Variants in RYR2 observed in about 807,000 individuals in gnomAD.
RYR2 encodes cardiac muscle ryanodine receptor-calcium release channel.
A neutral mutation model predicts 601.1 loss-of-function variants in RYR2; 227 were observed. The ratio of observed to expected loss-of-function variants is 0.38; its 90% CI spans 0.34 to 0.42. The LOEUF is 0.42. Among genes scored for constraint, RYR2 ranks in the 10% least tolerant of loss-of-function variants. The pLI is 1.00. For missense variants in RYR2, 4,646 were observed against 6,156.5 expected (o/e 0.75, Z 8.21); for synonymous variants, 2,223 against 2,175.1 (o/e 1.02, Z -0.61).
chr1:237,595,705 TC>T lies in RYR2; in HGVS notation c.4596+53del, dbSNP rs776849810. On this transcript the variant is annotated intron_variant, in intron 34 of 104. Coordinates refer to ENST00000366574, the MANE Select transcript of RYR2 (RefSeq NM_001035.3). ...AGTCTTCTAGGGAGGAAGACTTCTTTCCCCCATTAAAGGAAAACACAGTTTG... is the reference window on the plus strand; with the variant it reads ...AGTCTTCTAGGGAGGAAGACTTCTTTCCCCATTAAAGGAAAACACAGTTTG... 8.4e-6 allele frequency: 13 copies of T among 1,549,746 alleles called. No individual in the cohort carries two copies. In the Admixed American group the frequency reaches 2.8e-4, roughly 34 times the overall value.
At chr1:237,548,341 C>T (rs1250080610) in intron 25 of RYR2, 90 bp from the exon 26 acceptor site, 1 of 1,363,136 alleles carries the variant, frequency 7.3e-7, no homozygotes, top group African/African-American at 1.4e-5. Context: ...TATGGAAGAA[C>T]AGTAATGAGG....
chr1:237,744,719 T>TA (rs10925505), intron 80 of RYR2, among the ~76,000 whole-genome samples: 46,208 of 146,080 alleles, frequency 0.32, 7,385 homozygotes, highest in South Asian at 0.39. Context: ...CTTCTTTTTT[T>TA]AAAAAAAAAA....
chr1:237,442,564 T>C (rs1342500015), intron 13 of RYR2, among the ~76,000 whole-genome samples: 1 of 152,226 alleles, frequency 6.6e-6, no homozygotes, highest in Non-Finnish European at 1.5e-5. Flanking sequence ...TTCTGTTATC[T>C]CAATAATATC....
At chr1:237,285,977 C>G (rs1189727943) in intron 2 of RYR2, among the ~76,000 whole-genome samples, 1 of 152,036 alleles carries the variant, frequency 6.6e-6, no homozygotes, top group African/African-American at 2.4e-5. Context: ...AAAGAACCAG[C>G]TTTTTGTTTT....
chr1:237,356,051 A>C (rs753460584), intron 4 of RYR2, 66 bp downstream of exon 4: 1 of 1,452,520 alleles, frequency 6.9e-7, no homozygotes. Context: ...CTCGCCTCTA[A>C]TCTTTCATTT....
chr1:237,365,955 A>T (rs936581910), intron 5 of RYR2, among the ~76,000 whole-genome samples: 64 of 152,242 alleles, frequency 4.2e-4, no homozygotes, highest in African/African-American at 1.5e-3. Flanking sequence ...GAAGGCCAAT[A>T]GTTATTTTCA....
chr1:237,827,025 C>T (rs930384520), intron 101 of RYR2, among the ~76,000 whole-genome samples: 6 of 152,204 alleles, frequency 3.9e-5, no homozygotes, highest in Admixed American at 1.3e-4. Flanking sequence ...TTATCTTTTC[C>T]GCTTAACACA....
chr1:237,686,388 A>G (rs989891992), intron 62 of RYR2, among the ~76,000 whole-genome samples: 9 of 152,142 alleles, frequency 5.9e-5, no homozygotes, highest in African/African-American at 2.2e-4. Flanking sequence ...GCATCTGGGT[A>G]TGGACCTCTT....
At chr1:237,790,672 G>GAGTT (rs1658269550) in intron 92 of RYR2, among the ~76,000 whole-genome samples, 2 of 152,072 alleles carry the variant, frequency 1.3e-5, no homozygotes, top group Non-Finnish European at 2.9e-5. Context: ...GCACACTTAA[G>GAGTT]AGTTAAGGTC....
At chr1:237,262,607 A>G (rs1220555650) in intron 1 of RYR2, among the ~76,000 whole-genome samples, 1 of 152,156 alleles carries the variant, frequency 6.6e-6, no homozygotes, top group Non-Finnish European at 1.5e-5. Flanking sequence ...TTCAACATAT[A>G]TTGACTGAAC....
rs544217923 is a variant in RYR2, at chr1:237,170,774, G to T, written c.49-99723G>T. The stretch of plus-strand genomic sequence containing the variant: ...TGTGGGGCTGGAGGAAGACATGGCT[G>T]GTGCAAAACACAGAACGTGTCTGAG... On this transcript the variant is annotated intron_variant, in intron 1 of 104. Coordinates refer to ENST00000366574, the MANE Select transcript of RYR2 (RefSeq NM_001035.3). Among the ~76,000 whole-genome samples, 51 of 152,236 alleles carry T rather than the reference G, an allele frequency of 3.4e-4. 1 individual carries two copies. The highest frequency in any genetic ancestry group is 1.0e-3 in the South Asian group (5 of 4,824).
rs1294827395 is a variant in RYR2 at position 237,610,916 on chromosome 1, A to G, written c.4838A>G (p.Glu1613Gly). ...FLKVDVSRIS[E>G]RQGWLVQCLD... ...AAGGTAGATGTGTCTCGAATAAGTG[A>G]ACGCCAAGGCTGGTTGGTGCAGTGT... The change falls in exon 36 of 105, where the codon GAA becomes GGA. Residue 1613 changes from glutamate to glycine, a missense_variant. Physicochemically the swap from Glu to Gly is moderately conservative, Grantham distance 98. This residue lies in a region of RYR2 where 1,807 missense variants were observed against 2,088.1 expected (regional missense o/e 0.87). Coordinates refer to ENST00000366574, the MANE Select transcript of RYR2 (RefSeq NM_001035.3). The surrounding 1 kb of genome is among the most constrained non-coding windows in gnomAD (Gnocchi z 4.9). 6.2e-7 allele frequency: 1 copy of G among 1,613,538 alleles called. No homozygotes were observed. Among genetic ancestry groups the G allele is most frequent in the Admixed American group, 1.7e-5 (1 of 59,986 alleles).
At chr1:237,070,055 C>T (rs1664123221) in intron 1 of RYR2, among the ~76,000 whole-genome samples, 1 of 141,164 alleles carries the variant, frequency 7.1e-6, no homozygotes, top group African/African-American at 2.7e-5. Flanking sequence ...TTTGGAGACA[C>T]AATCTTACTG....
chr1:237,168,004 A>G (rs1243874376), intron 1 of RYR2, among the ~76,000 whole-genome samples: 1 of 152,128 alleles, frequency 6.6e-6, no homozygotes, highest in Non-Finnish European at 1.5e-5. Flanking sequence ...CAAACCCCAA[A>G]CAACAACAAT....
intron 27 of RYR2, 150 bp from the exon 28 acceptor site, chr1:237,566,417 G>A (rs1362897138): frequency 3.6e-6 from 3 of 825,812 alleles, no homozygotes; most frequent in Non-Finnish European, 5.5e-6. Flanking sequence ...GGTAAAATGG[G>A]AAAGAAGATA....
At chr1:237,099,591 G>T (rs1044036261) in intron 1 of RYR2, among the ~76,000 whole-genome samples, 8 of 152,132 alleles carry the variant, frequency 5.3e-5, no homozygotes, top group African/African-American at 1.9e-4. Flanking sequence ...TGAATCCAAG[G>T]GGAGGGCATA....
intron 1 of RYR2, among the ~76,000 whole-genome samples, chr1:237,129,541 G>A (rs1671924221): frequency 6.6e-6 from 1 of 152,054 alleles, no homozygotes; most frequent in Admixed American, 6.5e-5. Context: ...TGAAGAGTCT[G>A]CAGGAATGCA....
intron 3 of RYR2, among the ~76,000 whole-genome samples, chr1:237,343,945 C>T (rs1251763770): frequency 1.3e-5 from 2 of 151,898 alleles, no homozygotes; most frequent in African/African-American, 2.4e-5. Flanking sequence ...CTCAGCCTCC[C>T]AAGTAGCTGG....
chr1:237,688,978 A>G (rs1437335704), intron 63 of RYR2, among the ~76,000 whole-genome samples: 3 of 152,150 alleles, frequency 2.0e-5, no homozygotes, highest in Non-Finnish European at 4.4e-5. Flanking sequence ...CCTAAGAACA[A>G]CTTGGCTAGG....
Sources: gnomAD v4.1 joint callset for allele counts (sites outside exome capture counted in the v4.1 genomes callset) on GRCh38, gnomAD v4.1.1 for gene constraint, gnomAD v4.1.1 regional missense constraint, Gnocchi (gnomAD v3.1) non-coding constraint, MANE v1.5 for transcripts, NCBI Gene and HGNC (gene_info 2026-07-23, HGNC 2026-07-21) for gene names.